Variants in SEZ6L observed in about 807,000 individuals in gnomAD.
The protein encoded by SEZ6L is seizure related 6 homolog like.
Under a neutral mutation model 106.2 loss-of-function variants are expected in SEZ6L, and 37 were observed. The observed-to-expected ratio is 0.35, with a 90% CI of 0.27 to 0.46. SEZ6L has a LOEUF of 0.46. Ranked by LOEUF, SEZ6L falls within the 20% of genes least tolerant of loss-of-function variation. The pLI, the probability that SEZ6L is intolerant of heterozygous loss-of-function variation, is 1.00. For synonymous variants in SEZ6L, 541 were observed against 570.4 expected (o/e 0.95, Z 0.73); for missense variants, 1,172 against 1,332.8 (o/e 0.88, Z 1.88).
At chr22:26,231,646 G>T (rs150536695) in intron 1 of SEZ6L, among the ~76,000 whole-genome samples, 79 of 152,250 alleles carry the variant, frequency 5.2e-4, no homozygotes, top group African/African-American at 1.7e-3. Context: ...TTCCTTTGGT[G>T]CTGCCTTCAA....
rs187933283 is a variant in SEZ6L at position 26,229,050 on chromosome 22, C to T, written c.94+59287C>T. On this transcript the variant is annotated intron_variant, in intron 1 of 16. Coordinates refer to ENST00000248933, the MANE Select transcript of SEZ6L (RefSeq NM_021115.5). The stretch of plus-strand genomic sequence containing the variant: ...GTCTTGCCCTGTCACTAGGCTGGAC[C>T]GTGTGGCATGATCTTGGCTCACTGC... 2.8e-3 allele frequency among the ~76,000 whole-genome samples: 424 copies of T among 152,248 alleles called. 3 individuals carry two copies. Among genetic ancestry groups the T allele is most frequent in the Middle Eastern group, 6.8e-3 (2 of 294 alleles).
intron 3 of SEZ6L, among the ~76,000 whole-genome samples, chr22:26,296,138 A>G (rs1231402179): frequency 6.6e-6 from 1 of 152,180 alleles, no homozygotes; most frequent in Non-Finnish European, 1.5e-5. Context: ...ACACGCGCAC[A>G]TACCATTTGT....
At chr22:26,287,798 T>G (rs2080984861) in intron 1 of SEZ6L, among the ~76,000 whole-genome samples, 1 of 152,220 alleles carries the variant, frequency 6.6e-6, no homozygotes, top group Admixed American at 6.5e-5. Flanking sequence ...TCATCTGTGT[T>G]GGACTTGGCC....
chr22:26,180,933 G>C (rs758417962), intron 1 of SEZ6L, among the ~76,000 whole-genome samples: 1 of 152,142 alleles, frequency 6.6e-6, no homozygotes, highest in Non-Finnish European at 1.5e-5. Flanking sequence ...ATTCTGAATG[G>C]GGGACTCAGC....
In SEZ6L at chr22:26,223,119, C is replaced by T. The variant is rs545680654; in HGVS notation, c.94+53356C>T. On this transcript the variant is annotated intron_variant, in intron 1 of 16. Coordinates refer to ENST00000248933, the MANE Select transcript of SEZ6L (RefSeq NM_021115.5). Reference sequence around the variant, plus strand: ...ACCTCCACCGTAGGAGTTGTAGCAGCTCACCCCAAACGTGGTAGTCACAGG... The same window carrying T: ...ACCTCCACCGTAGGAGTTGTAGCAGTTCACCCCAAACGTGGTAGTCACAGG... Among the ~76,000 whole-genome samples the T allele has an allele frequency of 5.3e-5, 8 of 152,274 alleles. No homozygotes were observed. In the South Asian group the frequency reaches 1.5e-3, roughly 28 times the overall value.
intron 9 of SEZ6L, among the ~76,000 whole-genome samples, chr22:26,320,567 A>G (rs375527657): frequency 1.5e-4 from 23 of 152,320 alleles, no homozygotes; most frequent in African/African-American, 5.5e-4. Flanking sequence ...AGCATCCACT[A>G]TGTAGCAGGC....
intron 1 of SEZ6L, among the ~76,000 whole-genome samples, chr22:26,231,064 A>G (rs937984112): frequency 3.9e-5 from 6 of 152,250 alleles, no homozygotes; most frequent in Admixed American, 2.0e-4. Flanking sequence ...GTTAAGCAGC[A>G]ACTTTTATTG....
chr22:26,214,985 CTAAG>C (rs1252330956), intron 1 of SEZ6L, among the ~76,000 whole-genome samples: 11 of 152,142 alleles, frequency 7.2e-5, no homozygotes, highest in African/African-American at 2.4e-4. Context: ...TGGGCAGGCA[CTAAG>C]TAAGTGTTTA....
intron 10 of SEZ6L, among the ~76,000 whole-genome samples, chr22:26,347,476 C>T (rs2083047214): frequency 6.6e-6 from 1 of 152,100 alleles, no homozygotes; most frequent in Non-Finnish European, 1.5e-5. Context: ...TTCTGTCTGA[C>T]TCGAAATCCT....
intron 12 of SEZ6L, chr22:26,351,505 C>CTTTT (rs1480967204): frequency 2.4e-4 from 91 of 377,034 alleles, no homozygotes; most frequent in Non-Finnish European, 3.8e-4. Flanking sequence ...GCATAGTATA[C>CTTTT]TTTGTTTTTT....
chr22:26,333,763 G>T (rs938744458), intron 9 of SEZ6L, among the ~76,000 whole-genome samples: 13 of 152,200 alleles, frequency 8.5e-5, no homozygotes, highest in Non-Finnish European at 1.3e-4. Flanking sequence ...CATAAGGAGG[G>T]TGAGCACAAG....
At chr22:26,230,319 T>TA (rs11415988) in intron 1 of SEZ6L, among the ~76,000 whole-genome samples, 49,200 of 147,974 alleles carry the variant, frequency 0.33, 8,136 homozygotes, top group Middle Eastern at 0.42. Context: ...ACCATAAAGG[T>TA]AAAAAAAAAA....
intron 1 of SEZ6L, among the ~76,000 whole-genome samples, chr22:26,202,610 C>A (rs1400636495): frequency 6.6e-6 from 1 of 152,132 alleles, no homozygotes; most frequent in East Asian, 1.9e-4. Flanking sequence ...CTCTGATATT[C>A]TTTTTTCAGT....
chr22:26,344,754 G>C (rs547832197), intron 10 of SEZ6L, among the ~76,000 whole-genome samples: 1 of 152,266 alleles, frequency 6.6e-6, no homozygotes, highest in African/African-American at 2.4e-5. Flanking sequence ...TCATCTTAGT[G>C]TTCACACAAC....
chr22:26,271,924 G>A (rs898170025), intron 1 of SEZ6L, among the ~76,000 whole-genome samples: 1 of 152,196 alleles, frequency 6.6e-6, no homozygotes, highest in Non-Finnish European at 1.5e-5. Flanking sequence ...CACTAAAATG[G>A]ATAAACTGTG....
At chr22:26,369,354 T>TTTTTTTTTTTTTTTTTTA (rs1568952186) in intron 13 of SEZ6L, among the ~76,000 whole-genome samples, 1 of 118,648 alleles carries the variant, frequency 8.4e-6, no homozygotes, top group African/African-American at 3.3e-5. Context: ...TTGTTTTTTT[T>TTTTTTTTTTTTTTTTTTA]TTTGAGACAG....
chr22:26,239,904 C>A (rs926148988), intron 1 of SEZ6L, among the ~76,000 whole-genome samples: 5 of 152,128 alleles, frequency 3.3e-5, no homozygotes, highest in East Asian at 3.9e-4. Flanking sequence ...GCCATCCCCC[C>A]ACAACCGCAC....
At chr22:26,211,804 TA>T (rs56124325) in intron 1 of SEZ6L, among the ~76,000 whole-genome samples, 911 of 48,018 alleles carry the variant, frequency 0.019, 9 homozygotes, top group African/African-American at 0.071. Context: ...ACCTCGTCTC[TA>T]AAAAAAAAAA....
intron 12 of SEZ6L, among the ~76,000 whole-genome samples, chr22:26,356,394 C>T (rs1166010516): frequency 6.6e-6 from 1 of 152,024 alleles, no homozygotes; most frequent in African/African-American, 2.4e-5. Flanking sequence ...GTAATCCTAG[C>T]ACTTTGGGAG....
Sources: gnomAD v4.1 joint callset for allele counts (sites outside exome capture counted in the v4.1 genomes callset) on GRCh38, gnomAD v4.1.1 for gene constraint, MANE v1.5 for transcripts, NCBI Gene and HGNC (gene_info 2026-07-23, HGNC 2026-07-21) for gene names.